CRTC1: variants seen among roughly 807,000 people sequenced by gnomAD.
The protein encoded by CRTC1 is CREB regulated transcription coactivator 1, also known as CREB-regulated transcription coactivator 1.
In CRTC1, 18 loss-of-function variants were observed where a neutral mutation model predicts 66.1. The ratio of observed to expected loss-of-function variants is 0.27; its 90% confidence interval spans 0.19 to 0.40. The LOEUF (loss-of-function observed/expected upper bound fraction) is 0.40, where lower values mean the gene tolerates loss of function less well. CRTC1 is among the 10% of genes least tolerant of loss of function. CRTC1 has a pLI of 1.00. For synonymous variants in CRTC1, 416 were observed against 398.8 expected, an observed-to-expected ratio of 1.04 and a Z score of -0.51; for missense variants, 669 against 887.9, an observed-to-expected ratio of 0.75 and a Z score of 3.13.
intron 1 of CRTC1, among the ~76,000 whole-genome samples, chr19:18,707,433 G>A (rs2053291482): frequency 6.6e-6 from 1 of 152,074 alleles, no homozygotes; most frequent in Non-Finnish European, 1.5e-5. Context: ...TTATTTCTGG[G>A]CTTTTATTCT....
intron 6 of CRTC1, among the ~76,000 whole-genome samples, chr19:18,755,237 C>T (rs1399022155): frequency 6.6e-6 from 1 of 152,084 alleles, no homozygotes; most frequent in Non-Finnish European, 1.5e-5. Flanking sequence ...GATCTGCCCG[C>T]CTTGGCCTCC....
rs1329897817 is a variant in CRTC1, at chr19:18,768,600, C to T, written c.1127C>T (p.Ala376Val). Residue 376 changes from alanine (A) to valine (V), a missense_variant, in exon 10 of 14, where the codon GCG (alanine) becomes GTG (valine). By Grantham distance (64) the Ala-to-Val change is moderately conservative (BLOSUM62 0). This residue lies in a region of CRTC1 where 241 missense variants were observed against 242.2 expected (regional missense o/e 0.99). Coordinates refer to ENST00000321949, the MANE Select transcript of CRTC1 (RefSeq NM_015321.3). This position sits in a 1 kb window ranked among gnomAD's most constrained non-coding sequence, Gnocchi z 5.6. ...CAGCCCCCGCCGCCTCCTCCACCCG[C>T]GTCCCAGCAGCCACCACCCCCGCCA... ...QPQPPPPPPPASQQPPPPPPP... is the reference protein window; with the variant it reads ...QPQPPPPPPPVSQQPPPPPPP... 26 of 1,538,810 alleles carry T rather than the reference C, an allele frequency of 1.7e-5. No homozygotes were observed. The highest frequency in any genetic ancestry group is 5.5e-5 in the African/African-American group (4 of 73,156).
At chr19:18,704,310 G>A (rs757066023) in intron 1 of CRTC1, among the ~76,000 whole-genome samples, 2 of 152,048 alleles carry the variant, frequency 1.3e-5, no homozygotes, top group African/African-American at 4.8e-5. Context: ...GTCTTGCCAT[G>A]TTGCCCAGGC....
At chr19:18,710,772 C>T (rs566104414) in intron 1 of CRTC1, among the ~76,000 whole-genome samples, 7 of 152,218 alleles carry the variant, frequency 4.6e-5, no homozygotes, top group South Asian at 2.1e-4. Flanking sequence ...CCACTGTGCC[C>T]GGCTAATTTT....
rs1489024078 is a variant in CRTC1, at chr19:18,741,439, C to T, written c.127-1471C>T. ...CAGGAGGGGTCACAGCCTTTAGGGC[C>T]ATATAGTCAGTGAGAGGTGAATGTA... On this transcript the variant is annotated intron_variant, in intron 1 of 13. Coordinates refer to ENST00000321949, the MANE Select transcript of CRTC1 (RefSeq NM_015321.3). This position sits in a 1 kb window ranked among gnomAD's most constrained non-coding sequence, Gnocchi z 4.2. Among the ~76,000 whole-genome samples, 1 of 152,158 alleles carries T rather than the reference C, an allele frequency of 6.6e-6. No individual in the cohort carries two copies. The highest frequency in any genetic ancestry group is 1.5e-5 in the Non-Finnish European group (1 of 68,028).
intron 2 of CRTC1, among the ~76,000 whole-genome samples, chr19:18,744,697 G>A (rs965660053): frequency 3.9e-5 from 6 of 152,152 alleles, no homozygotes; most frequent in African/African-American, 1.4e-4. Flanking sequence ...CTGTGCACTG[G>A]ACAGCACAGT....
chr19:18,761,488 ACCAG>A (rs2054613831), intron 8 of CRTC1, among the ~76,000 whole-genome samples: 1 of 152,198 alleles, frequency 6.6e-6, no homozygotes, highest in Non-Finnish European at 1.5e-5. Flanking sequence ...GGCCCACTCC[ACCAG>A]CCCATCCTGC....
At chr19:18,718,219 C>G (rs1426636895) in intron 1 of CRTC1, among the ~76,000 whole-genome samples, 1 of 152,168 alleles carries the variant, frequency 6.6e-6, no homozygotes, top group Non-Finnish European at 1.5e-5. Flanking sequence ...TTTGCCTGTT[C>G]TGAGCATTTC....
chr19:18,745,445 G>A (rs890302109), intron 2 of CRTC1, among the ~76,000 whole-genome samples: 8 of 152,216 alleles, frequency 5.3e-5, no homozygotes, highest in African/African-American at 1.7e-4. Context: ...CAGGCCCGGA[G>A]AGAGAGGGCG....
chr19:18,743,061 G>A, intron 2 of CRTC1, 35 bp downstream of exon 2: 5 of 1,532,186 alleles, frequency 3.3e-6, no homozygotes, highest in South Asian at 1.1e-5. Context: ...GCCCCATTGT[G>A]GGGAGCTTCC....
chr19:18,719,778 C>T (rs866184722), intron 1 of CRTC1, among the ~76,000 whole-genome samples: 3 of 152,244 alleles, frequency 2.0e-5, no homozygotes, highest in East Asian at 1.9e-4. Context: ...TGACCCGGGG[C>T]GAGCAGGGCT....
At chr19:18,704,562 A>G (rs1448344182) in intron 1 of CRTC1, among the ~76,000 whole-genome samples, 1 of 152,058 alleles carries the variant, frequency 6.6e-6, no homozygotes, top group Non-Finnish European at 1.5e-5. Flanking sequence ...AAATACAAAA[A>G]TTAGCTGGGT....
rs537999428 is a variant in CRTC1 at position 18,752,798 on chromosome 19, C to T, written c.539-702C>T. ...GATTACGAGTCCTGACCCCTATGCC[C>T]GGCCAATTTTTGTATTTTTAGTAGA... On this transcript the variant is annotated intron_variant, in intron 5 of 13. Coordinates refer to ENST00000321949, the MANE Select transcript of CRTC1 (RefSeq NM_015321.3). Among the ~76,000 whole-genome samples the T allele has an allele frequency of 2.6e-5, 4 of 151,990 alleles. No homozygotes were observed. The South Asian group carries it at 6.2e-4, about 24-fold the overall frequency.
At chr19:18,767,941 C>G (rs900437442) in intron 9 of CRTC1, among the ~76,000 whole-genome samples, 2 of 152,228 alleles carry the variant, frequency 1.3e-5, no homozygotes, top group South Asian at 2.1e-4. Context: ...AGACAGTGAA[C>G]GTCACACACT....
chr19:18,763,685 TG>T (rs1413245765), intron 8 of CRTC1, among the ~76,000 whole-genome samples: 2 of 152,228 alleles, frequency 1.3e-5, no homozygotes, highest in Non-Finnish European at 2.9e-5. Context: ...CCAGTGGCCA[TG>T]GCCGATGTCT....
intron 2 of CRTC1, among the ~76,000 whole-genome samples, chr19:18,743,313 G>A (rs2145729163): frequency 6.6e-6 from 1 of 152,258 alleles, no homozygotes; most frequent in South Asian, 2.1e-4. Context: ...AGCGGGAACC[G>A]CTCGGGGCCA....
At chr19:18,706,465 C>T (rs1314178040) in intron 1 of CRTC1, among the ~76,000 whole-genome samples, 1 of 151,944 alleles carries the variant, frequency 6.6e-6, no homozygotes, top group East Asian at 1.9e-4. Flanking sequence ...CCTTGGCCTC[C>T]CGAAGTGTTG....
Position 18,777,128 on chromosome 19 carries a change from G to A in CRTC1, c.1694-43G>A. 8.8e-7 allele frequency: 1 copy of A among 1,138,616 alleles called. No homozygotes were observed. 70.5% of individuals were successfully genotyped at this position (1,138,616 alleles called of 1,614,324 possible). On this transcript the variant is annotated intron_variant, in intron 13 of 13. Coordinates refer to ENST00000321949, the MANE Select transcript of CRTC1 (RefSeq NM_015321.3). This position sits in a 1 kb window ranked among gnomAD's most constrained non-coding sequence, Gnocchi z 5.5. The stretch of plus-strand genomic sequence containing the variant: ...CCGACACATGGATGCGAGCGATGGA[G>A]CCAGGGCTAAGCAGTGCCTTTTGTC...
intron 8 of CRTC1, among the ~76,000 whole-genome samples, chr19:18,762,091 T>C (rs2054626756): frequency 6.6e-6 from 1 of 152,168 alleles, no homozygotes; most frequent in Non-Finnish European, 1.5e-5. Flanking sequence ...GGGCTGCAGG[T>C]ACCCCTGCCC....
Sources: allele counts gnomAD v4.1 joint callset (sites outside exome capture counted in the v4.1 genomes callset), GRCh38; gene constraint gnomAD v4.1.1; regional missense constraint gnomAD v4.1.1; non-coding constraint Gnocchi (gnomAD v3.1); transcripts MANE v1.5; gene names NCBI Gene and HGNC (gene_info 2026-07-23, HGNC 2026-07-21).